TTLL6: variants seen among roughly 807,000 people sequenced by gnomAD.
The protein encoded by TTLL6 is tubulin tyrosine ligase like 6, also known as tubulin polyglutamylase TTLL6.
TTLL6 carries 75 observed loss-of-function variants against 96.4 expected under a neutral mutation model. The ratio of observed to expected loss-of-function variants is 0.78; its 90% CI spans 0.65 to 0.94. The LOEUF (loss-of-function observed/expected upper bound fraction) is 0.94. TTLL6 is among the 40% of genes least tolerant of loss of function. The probability of loss-of-function intolerance (pLI) is 0.00; values close to 1 mark genes in which losing one functional copy is unlikely to be tolerated. For missense variants in TTLL6, 1,030 were observed against 1,093.0 expected (o/e 0.94, Z 0.81); for synonymous variants, 411 against 419.4 (o/e 0.98, Z 0.24).
intron 8 of TTLL6, among the ~76,000 whole-genome samples, chr17:48,795,107 C>T (rs2039294178): frequency 6.6e-6 from 1 of 152,140 alleles, no homozygotes; most frequent in Non-Finnish European, 1.5e-5. Context: ...GTGGGAAGAT[C>T]ACGAGGTGAA....
chr17:48,788,061 T>C, intron 10 of TTLL6, 62 bp from the exon 11 acceptor site: 2 of 1,551,558 alleles, frequency 1.3e-6, no homozygotes, highest in African/African-American at 1.4e-5. Context: ...CTGGAAGGGA[T>C]ATGTCCAAGC....
In TTLL6 at chr17:48,804,989, C is replaced by T. The variant is rs552996928; in HGVS notation, c.106G>A (p.Ala36Thr). ...GAGGAGGCTCTGGGGAAATACCAGG[C>T]CCCTAGAGAGAGGGCAGAGGGAGCC... ...GRDGGVGIAG[A>T]WYFPRASSQA... is the part of the protein sequence containing the mutation. The change falls in exon 2 of 16, where the codon GCC becomes ACC. Residue 36 changes from alanine to threonine, a missense_variant and splice_region_variant. Coordinates refer to ENST00000393382, the MANE Select transcript of TTLL6 (RefSeq NM_001130918.3). The T allele has an allele frequency of 1.8e-4, 275 of 1,551,152 alleles. No homozygotes were observed. The East Asian group carries it at 5.2e-3, about 29-fold the overall frequency.
At chr17:48,768,784 C>T (rs2143170900) in intron 15 of TTLL6, among the ~76,000 whole-genome samples, 1 of 152,214 alleles carries the variant, frequency 6.6e-6, no homozygotes, top group East Asian at 1.9e-4. Flanking sequence ...ACAAGGGATC[C>T]TCCTGCCTTG....
intron 10 of TTLL6, among the ~76,000 whole-genome samples, chr17:48,788,782 C>G (rs1410571198): frequency 6.6e-6 from 1 of 152,172 alleles, no homozygotes; most frequent in Non-Finnish European, 1.5e-5. Flanking sequence ...GCACTCCACC[C>G]TACCTACCTA....
Position 48,799,596 on chromosome 17 carries a change from G to C in TTLL6, c.768+8C>G, listed in dbSNP as rs1214594212. On this transcript the variant is annotated splice_region_variant and intron_variant, in intron 6 of 15. Transcript: ENST00000393382. ...GGTGATAAATAAATAATCACAATGAGGAAGTACCTTTGAAATATACAGCTG... is the reference window on the plus strand; with the variant it reads ...GGTGATAAATAAATAATCACAATGACGAAGTACCTTTGAAATATACAGCTG... 1 of 1,551,336 alleles carries C rather than the reference G, an allele frequency of 6.4e-7. No individual in the cohort carries two copies. The highest frequency in any genetic ancestry group is 1.2e-5 in the South Asian group (1 of 83,988).
chr17:48,805,744 G>A (rs899974984), intron 1 of TTLL6, among the ~76,000 whole-genome samples: 7 of 152,218 alleles, frequency 4.6e-5, no homozygotes, highest in Non-Finnish European at 8.8e-5. Context: ...AGGCCAAGGC[G>A]GGCAGATCAT....
At chr17:48,787,153 C>T (rs2143335116) in intron 11 of TTLL6, among the ~76,000 whole-genome samples, 1 of 152,068 alleles carries the variant, frequency 6.6e-6, no homozygotes, top group African/African-American at 2.4e-5. Flanking sequence ...TATGTGATCC[C>T]TCCTCTGCTC....
intron 1 of TTLL6, among the ~76,000 whole-genome samples, chr17:48,809,449 C>T (rs1335664384): frequency 6.6e-6 from 1 of 152,176 alleles, no homozygotes; most frequent in East Asian, 1.9e-4. Flanking sequence ...TTAATGTTAA[C>T]TTGGGGAGAG....
intron 13 of TTLL6, among the ~76,000 whole-genome samples, chr17:48,777,202 A>AAACAAACC (rs2143252037): frequency 6.6e-6 from 1 of 152,350 alleles, no homozygotes; most frequent in Non-Finnish European, 1.5e-5. Context: ...TATATGGGAA[A>AAACAAACC]AACAAACCTT....
At chr17:48,805,042 G>A in intron 1 of TTLL6, 51 bp from the exon 2 acceptor site, 2 of 1,428,708 alleles carry the variant, frequency 1.4e-6, no homozygotes, top group Non-Finnish European at 9.6e-7. Context: ...CCTGCAGGGG[G>A]ACCCCCTCCC....
rs780211038 is a variant in TTLL6 at position 48,791,391 on chromosome 17, G to C, written c.1211C>G (p.Pro404Arg). 1.5e-5 allele frequency: 25 copies of C among 1,614,092 alleles called. No homozygotes were observed. The highest frequency in any genetic ancestry group is 2.1e-5 in the Non-Finnish European group (25 of 1,180,010). The change falls in exon 9 of 16, where the codon CCC (proline) becomes CGC (arginine). Residue 404 changes from proline to arginine, a missense_variant. By Grantham distance (103) the Pro-to-Arg change is moderately radical. Coordinates refer to ENST00000393382, the MANE Select transcript of TTLL6 (RefSeq NM_001130918.3). The stretch of plus-strand genomic sequence containing the variant: ...AAACTTCCCTACCTCCAGCAGCCAG[G>C]GTTTGAGTTTGTGGTCCAACAAAAT... Reference protein sequence around the residue: ...FDILLDHKLKPWLLEVNHSPS... With the variant: ...FDILLDHKLKRWLLEVNHSPS...
intron 1 of TTLL6, among the ~76,000 whole-genome samples, chr17:48,808,977 G>A (rs1051111492): frequency 2.6e-5 from 4 of 152,180 alleles, no homozygotes; most frequent in African/African-American, 4.8e-5. Context: ...ATTTGGTGGT[G>A]TGGAGCCCTT....
intron 5 of TTLL6, among the ~76,000 whole-genome samples, chr17:48,800,495 T>C (rs1270495226): frequency 6.6e-6 from 1 of 152,196 alleles, no homozygotes; most frequent in African/African-American, 2.4e-5. Context: ...GTTGACCTGA[T>C]GGCAAATACA....
Position 48,817,223 on chromosome 17 carries a change from A to G in TTLL6, c.-151T>C, listed in dbSNP as rs1363244954. ...CCCTCCCGAATCCAATTAACCGCCCAGGCGCTAGGGGAGGGGCGCGCCCAC... is the reference window on the plus strand; with the variant it reads ...CCCTCCCGAATCCAATTAACCGCCCGGGCGCTAGGGGAGGGGCGCGCCCAC... On this transcript the variant is annotated 5_prime_UTR_variant, in exon 1 of 16. Coordinates refer to ENST00000393382, the MANE Select transcript of TTLL6 (RefSeq NM_001130918.3). 2.0e-5 allele frequency: 11 copies of G among 552,076 alleles called. No individual in the cohort carries two copies. Among genetic ancestry groups the G allele is most frequent in the Admixed American group, 4.1e-5 (1 of 24,582 alleles). The allele number at this position is 552,076 out of a possible 1,614,324, so 34.2% of individuals were successfully genotyped here.
At chr17:48,804,367 T>C (rs748870044) in intron 2 of TTLL6, 75 of 484,440 alleles carry the variant, frequency 1.5e-4, no homozygotes, top group Non-Finnish European at 2.7e-4. Context: ...CAAGGCATGG[T>C]GAAATATTAA....
chr17:48,817,030 C>T lies in TTLL6; in HGVS notation c.43G>A (p.Gly15Ser). 1.3e-6 allele frequency: 2 copies of T among 1,544,692 alleles called. No individual in the cohort carries two copies. Among genetic ancestry groups the T allele is most frequent in the Non-Finnish European group, 1.7e-6 (2 of 1,145,910 alleles). The change falls in exon 1 of 16, where the codon GGT becomes AGT. Residue 15 changes from glycine (G) to serine (S), a missense_variant. Physicochemically the swap from Gly to Ser is moderately conservative, Grantham distance 56. Transcript: ENST00000393382. ...LLHPSRRGPA[G>S]VVASWTSSPA... is the part of the protein sequence containing the mutation. ...CTGCTAGTCCAGCTTGCAACCACAC[C>T]TGCCGGCCCCCTCCTCGAAGGATGA...
At position 48,797,122 on chromosome 17, in the gene TTLL6, T is replaced by C. The variant is rs145891121; in HGVS notation, c.851A>G (p.Tyr284Cys). The C allele has an allele frequency of 2.7e-5, 42 of 1,551,542 alleles. No individual in the cohort carries two copies. The East Asian group carries it at 1.0e-3, about 37-fold the overall frequency. ...CGCAAAGCGGGCCAGTCCTTCATTG[T>C]ACACAAAAATCCTGAGAGGGTCACA... ...TSCDPLRIFV[Y>C]NEGLARFATT... The change falls in exon 7 of 16, where the codon TAC becomes TGC. Residue 284 changes from tyrosine to cysteine, a missense_variant. Tyr to Cys is a radical substitution (Grantham distance 194). Transcript: ENST00000393382.
chr17:48,773,804 T>G (rs933601235), intron 13 of TTLL6, among the ~76,000 whole-genome samples: 1 of 151,588 alleles, frequency 6.6e-6, no homozygotes, highest in African/African-American at 2.4e-5. Flanking sequence ...GAAAAGTGGC[T>G]GGGTGGGGTG....
Position 48,796,043 on chromosome 17 carries a change from A to G in TTLL6, c.998+18T>C, listed in dbSNP as rs2039310895. ...AGGTTGGTAGGGAAAGGAAAGAAAA[A>G]TGAAGCCTCTTCCTTACCTCTTACT... is the stretch of plus-strand genomic sequence containing the variant. On this transcript the variant is annotated intron_variant, in intron 8 of 15. Transcript: ENST00000393382. 2 of 1,547,394 alleles carry G rather than the reference A, an allele frequency of 1.3e-6. No homozygotes were observed.
Sources: allele counts gnomAD v4.1 joint callset (sites outside exome capture counted in the v4.1 genomes callset), GRCh38; gene constraint gnomAD v4.1.1; transcripts MANE v1.5; gene names NCBI Gene and HGNC (gene_info 2026-07-23, HGNC 2026-07-21).